Variants in TBC1D16 observed in about 807,000 individuals in gnomAD.
The protein encoded by TBC1D16 is CTD-2529O21.1.
A neutral mutation model predicts 74.7 loss-of-function variants in TBC1D16; 58 were observed. The ratio of observed to expected loss-of-function variants is 0.78; its 90% confidence interval spans 0.63 to 0.97. The LOEUF is 0.97. Ranked by LOEUF, TBC1D16 falls within the 50% of genes least tolerant of loss-of-function variation. TBC1D16 has a pLI of 0.00. For synonymous variants in TBC1D16, 493 were observed against 474.7 expected, an observed-to-expected ratio of 1.04 and a Z score of -0.50; for missense variants, 1,014 against 1,079.5, an observed-to-expected ratio of 0.94 and a Z score of 0.85.
rs956306250 is a variant in TBC1D16, at chr17:80,001,024, G to T, written c.779+9136C>A. Among the ~76,000 whole-genome samples, 2 of 152,234 alleles carry T rather than the reference G, an allele frequency of 1.3e-5. No individual in the cohort carries two copies. Among genetic ancestry groups the T allele is most frequent in the Non-Finnish European group, 2.9e-5 (2 of 68,036 alleles). ...CCCCTCCAAGCTCCCAGAGCTGAGG[G>T]GCAGCCAGGGAGGGGACCAGTGCTC... On this transcript the variant is annotated intron_variant, in intron 3 of 11. Coordinates refer to ENST00000310924, the MANE Select transcript of TBC1D16 (RefSeq NM_019020.4). The surrounding 1 kb of genome is among the most constrained non-coding windows in gnomAD (Gnocchi z 5.8).
Position 79,956,386 on chromosome 17 carries a change from T to G in TBC1D16, c.780-3568A>C, listed in dbSNP as rs754988951. Among the ~76,000 whole-genome samples the G allele has an allele frequency of 1.1e-4, 17 of 152,332 alleles. No individual in the cohort carries two copies. The highest frequency in any genetic ancestry group is 2.6e-4 in the Admixed American group (4 of 15,302). ...CTCCAGCCTCAGTCTCCCAAGTAGC[T>G]GGGACTACAGGCACTCACCACCACA... On this transcript the variant is annotated intron_variant, in intron 3 of 11. Transcript: ENST00000310924. This position sits in a 1 kb window ranked among gnomAD's most constrained non-coding sequence, Gnocchi z 4.0.
At chr17:79,959,518 G>T (rs2033496627) in intron 3 of TBC1D16, among the ~76,000 whole-genome samples, 1 of 152,152 alleles carries the variant, frequency 6.6e-6, no homozygotes, top group South Asian at 2.1e-4. Context: ...TTGGTGAAAA[G>T]ATAACTATGG....
chr17:79,959,805 C>G (rs909331390), intron 3 of TBC1D16, among the ~76,000 whole-genome samples: 3 of 152,046 alleles, frequency 2.0e-5, no homozygotes, highest in Non-Finnish European at 4.4e-5. Context: ...TTAGAATAGG[C>G]CCAGGTTTCT....
At position 79,949,812 on chromosome 17, in the gene TBC1D16, G is replaced by C; in HGVS notation, c.1311C>G (p.Phe437Leu). ...ACTCGTGGCTGTAATAGCGCAGCAG[G>C]AAGGGCCAGACCTCCCCGCGGATTG... Reference protein sequence around the residue: ...DVSIRGEVWPFLLRYYSHEST... With the variant: ...DVSIRGEVWPLLLRYYSHEST... The change falls in exon 7 of 12, where the codon TTC becomes TTG. Residue 437 changes from phenylalanine to leucine, a missense_variant. Physicochemically the swap from Phe to Leu is conservative, Grantham distance 22. Transcript: ENST00000310924. The C allele has an allele frequency of 6.2e-7, 1 of 1,613,824 alleles. No individual in the cohort carries two copies. The highest frequency in any genetic ancestry group is 8.5e-7 in the Non-Finnish European group (1 of 1,179,982).
In TBC1D16 at chr17:79,965,247, T is replaced by C. The variant is rs536244613; in HGVS notation, c.780-12429A>G. Among the ~76,000 whole-genome samples, 3 of 151,944 alleles carry C rather than the reference T, an allele frequency of 2.0e-5. No homozygotes were observed. The South Asian group carries it at 6.2e-4, about 32-fold the overall frequency. ...GACATGTGCCACCACGCCCGGCTAA[T>C]TTTTTTGAATTTTTAGTAGAGACAG... On this transcript the variant is annotated intron_variant, in intron 3 of 11. Coordinates refer to ENST00000310924, the MANE Select transcript of TBC1D16 (RefSeq NM_019020.4).
intron 10 of TBC1D16, among the ~76,000 whole-genome samples, chr17:79,943,469 G>C (rs984797150): frequency 6.6e-6 from 1 of 152,168 alleles, no homozygotes; most frequent in East Asian, 1.9e-4. Context: ...AGCATCAAAA[G>C]CCTTTCTCGC....
chr17:79,998,755 C>T (rs934260967), intron 3 of TBC1D16, among the ~76,000 whole-genome samples: 3 of 152,124 alleles, frequency 2.0e-5, no homozygotes, highest in Non-Finnish European at 2.9e-5. Context: ...TGCAGGGAAG[C>T]GCCACCGTTC....
rs2031386053 is a variant in TBC1D16 at position 79,933,472 on chromosome 17, T to G, written c.*7387A>C. ...AGCCCTGCATCTTGCCTGGGGCCCC[T>G]TGTATCTCTGGCTCATGGCCTGTCC... On this transcript the variant is annotated 3_prime_UTR_variant, in exon 12 of 12. Coordinates refer to ENST00000310924, the MANE Select transcript of TBC1D16 (RefSeq NM_019020.4). 6.6e-6 allele frequency: 1 copy of G among 152,226 alleles called. No homozygotes were observed. The highest frequency in any genetic ancestry group is 1.5e-5 in the Non-Finnish European group (1 of 68,064). The allele number at this position is 152,226 out of a possible 1,614,324, so 9.4% of individuals were successfully genotyped here.
At chr17:80,021,745 C>A (rs1442951836) in intron 1 of TBC1D16, among the ~76,000 whole-genome samples, 7 of 147,436 alleles carry the variant, frequency 4.7e-5, no homozygotes. Context: ...ACTGCACACA[C>A]CATAGACACA....
chr17:79,963,083 T>A (rs1415762296), intron 3 of TBC1D16, among the ~76,000 whole-genome samples: 1 of 149,938 alleles, frequency 6.7e-6, no homozygotes, highest in Non-Finnish European at 1.5e-5. Context: ...GGTGTGGTGG[T>A]GGGCGCCTAT....
chr17:80,016,298 A>G (rs921514301), intron 1 of TBC1D16, among the ~76,000 whole-genome samples: 4 of 152,050 alleles, frequency 2.6e-5, no homozygotes, highest in African/African-American at 4.8e-5. Context: ...AGGGGGACAG[A>G]GCTTCAGCTT....
At chr17:79,965,485 G>A (rs757354223) in intron 3 of TBC1D16, among the ~76,000 whole-genome samples, 13 of 152,144 alleles carry the variant, frequency 8.5e-5, no homozygotes, top group Middle Eastern at 3.2e-3. Context: ...ACCAATTATC[G>A]TCATGGCTAC....
chr17:79,952,592 G>A, intron 4 of TBC1D16, 65 bp downstream of exon 4: 1 of 1,534,866 alleles, frequency 6.5e-7, no homozygotes, highest in South Asian at 1.2e-5. Context: ...CGGCTGCAAA[G>A]CCCAGGCTGC....
chr17:80,016,010 CAAAA>C (rs60327293), intron 1 of TBC1D16, among the ~76,000 whole-genome samples: 18 of 89,650 alleles, frequency 2.0e-4, no homozygotes, highest in South Asian at 7.5e-4. Context: ...GACTCCATCT[CAAAA>C]AAAAAAAAAA....
chr17:79,949,114 A>G, intron 7 of TBC1D16, 108 bp from the exon 8 acceptor site: 1 of 1,493,000 alleles, frequency 6.7e-7, no homozygotes, highest in Non-Finnish European at 9.1e-7. Flanking sequence ...CGTTCCCTGG[A>G]CGGGAGCTGG....
chr17:79,964,635 G>A (rs776573816), intron 3 of TBC1D16, among the ~76,000 whole-genome samples: 5 of 152,080 alleles, frequency 3.3e-5, no homozygotes, highest in Non-Finnish European at 7.4e-5. Flanking sequence ...CTTTAAACAC[G>A]TGCAGTTGAT....
At chr17:79,960,944 C>A (rs1266869825) in intron 3 of TBC1D16, among the ~76,000 whole-genome samples, 1 of 152,036 alleles carries the variant, frequency 6.6e-6, no homozygotes, top group African/African-American at 2.4e-5. Flanking sequence ...TCACACACAC[C>A]CCTACCATAT....
chr17:79,960,609 T>G (rs2033549355), intron 3 of TBC1D16, among the ~76,000 whole-genome samples: 1 of 150,580 alleles, frequency 6.6e-6, no homozygotes, highest in Non-Finnish European at 1.5e-5. Context: ...TACAAAAAAT[T>G]AGTAGGCATC....
Position 79,951,459 on chromosome 17 carries a change from G to C in TBC1D16, c.1080C>G (p.Leu360=). 1.2e-6 allele frequency: 2 copies of C among 1,613,650 alleles called. No homozygotes were observed. Among genetic ancestry groups the C allele is most frequent in the Non-Finnish European group, 1.7e-6 (2 of 1,179,850 alleles). ...CCGTCTGCTGGGCTACCTGGTCTTT[G>C]AGCTGCATCTCGGTGCAGTATTTCC... ...QQWKYCTEMQ[L]KDQQVAPDKT... Residue 360 remains leucine (L), a synonymous_variant, in exon 5 of 12, where the codon CTC becomes CTG. Coordinates refer to ENST00000310924, the MANE Select transcript of TBC1D16 (RefSeq NM_019020.4).
Sources: allele counts gnomAD v4.1 joint callset (sites outside exome capture counted in the v4.1 genomes callset), GRCh38; gene constraint gnomAD v4.1.1; non-coding constraint Gnocchi (gnomAD v3.1); transcripts MANE v1.5; gene names NCBI Gene and HGNC (gene_info 2026-07-23, HGNC 2026-07-21).